The following RALYL variants were observed in gnomAD, a reference collection of about 807,000 sequenced individuals.
RALYL encodes the protein RALY RNA binding protein like.
In RALYL, 29 loss-of-function variants were observed where a neutral mutation model predicts 35.1. The observed-to-expected ratio is 0.83, with a 90% CI of 0.61 to 1.13. The LOEUF is 1.13. RALYL is among the 50% of genes most tolerant of loss of function. The probability of loss-of-function intolerance (pLI) is 0.00; values close to 1 mark genes in which losing one functional copy is unlikely to be tolerated. For missense variants in RALYL, 359 were observed against 360.4 expected, an observed-to-expected ratio of 1.00 and a Z score of 0.03; for synonymous variants, 120 against 127.6, an observed-to-expected ratio of 0.94 and a Z score of 0.40.
chr8:84,782,701 C>A (rs1004752248), intron 3 of RALYL, among the ~76,000 whole-genome samples: 3 of 152,212 alleles, frequency 2.0e-5, no homozygotes, highest in Non-Finnish European at 4.4e-5. Context: ...AGAGCACCAA[C>A]AACAGCGCTA....
intron 1 of RALYL, among the ~76,000 whole-genome samples, chr8:84,275,596 A>G (rs1388398668): frequency 6.6e-6 from 1 of 152,022 alleles, no homozygotes; most frequent in East Asian, 1.9e-4. Context: ...GTTATTATCT[A>G]TAGTCATAAT....
In RALYL at chr8:84,425,095, G is replaced by A. The variant is rs189354082; in HGVS notation, c.-23-104204G>A. ...GGCTCCACCCAGTTCGAGCTTCCTA[G>A]CTGCTTTGTTTACCTAAGCAAGCCT... On this transcript the variant is annotated intron_variant, in intron 1 of 8. Transcript: ENST00000521268. 9.0e-3 allele frequency among the ~76,000 whole-genome samples: 1,367 copies of A among 152,320 alleles called. 31 individuals are homozygous for A. The highest frequency in any genetic ancestry group is 0.031 in the African/African-American group (1,281 of 41,562).
At chr8:84,684,711 C>CT (rs1384415645) in intron 2 of RALYL, among the ~76,000 whole-genome samples, 3 of 152,134 alleles carry the variant, frequency 2.0e-5, no homozygotes, top group Non-Finnish European at 4.4e-5. Flanking sequence ...GATACCCAAA[C>CT]TTTTTTCTGT....
intron 3 of RALYL, among the ~76,000 whole-genome samples, chr8:84,789,275 AC>A (rs1162261685): frequency 6.6e-6 from 1 of 152,210 alleles, no homozygotes; most frequent in Non-Finnish European, 1.5e-5. Context: ...ACAGAAGATG[AC>A]CCACAAATTA....
At chr8:84,575,008 C>T (rs1808977420) in intron 2 of RALYL, among the ~76,000 whole-genome samples, 1 of 152,142 alleles carries the variant, frequency 6.6e-6, no homozygotes, top group Non-Finnish European at 1.5e-5. Context: ...TAAGATTTTA[C>T]TTTCATTTCT....
chr8:84,583,250 A>T (rs907516044), intron 2 of RALYL, among the ~76,000 whole-genome samples: 1 of 152,154 alleles, frequency 6.6e-6, no homozygotes, highest in Non-Finnish European at 1.5e-5. Flanking sequence ...GAATGATTTG[A>T]GATTGGTGAG....
intron 1 of RALYL, among the ~76,000 whole-genome samples, chr8:84,368,898 A>G (rs1188342220): frequency 1.3e-5 from 2 of 152,202 alleles, no homozygotes; most frequent in African/African-American, 4.8e-5. Flanking sequence ...TTCATAAATA[A>G]ACAAAACTAC....
intron 3 of RALYL, among the ~76,000 whole-genome samples, chr8:84,779,557 T>G (rs1412480187): frequency 1.3e-5 from 2 of 152,208 alleles, no homozygotes; most frequent in African/African-American, 4.8e-5. Context: ...TGTAGCAACC[T>G]TCCCATCCCA....
intron 2 of RALYL, among the ~76,000 whole-genome samples, chr8:84,605,461 C>G (rs1209808231): frequency 6.6e-6 from 1 of 152,106 alleles, no homozygotes; most frequent in African/African-American, 2.4e-5. Flanking sequence ...ATTCTGTGCT[C>G]TTAACCTCTG....
At chr8:84,612,060 T>C (rs6981139) in intron 2 of RALYL, among the ~76,000 whole-genome samples, 13,790 of 152,042 alleles carry the variant, frequency 0.091, 1,589 homozygotes, top group African/African-American at 0.27. Flanking sequence ...ATAGTAATGG[T>C]ATTAGCCTAT....
At chr8:84,882,604 A>G (rs1177134817) in intron 7 of RALYL, among the ~76,000 whole-genome samples, 1 of 152,102 alleles carries the variant, frequency 6.6e-6, no homozygotes, top group Non-Finnish European at 1.5e-5. Context: ...TCCACAATTC[A>G]TTAATATATT....
At chr8:84,514,851 A>T (rs1305817566) in intron 1 of RALYL, among the ~76,000 whole-genome samples, 1 of 62,494 alleles carries the variant, frequency 1.6e-5, no homozygotes, top group African/African-American at 5.0e-5. Context: ...AGGTGCTAGT[A>T]TTATTAAAGA....
intron 2 of RALYL, among the ~76,000 whole-genome samples, chr8:84,558,732 TA>T (rs2061295874): frequency 6.6e-6 from 1 of 152,166 alleles, no homozygotes; most frequent in African/African-American, 2.4e-5. Flanking sequence ...CCTACAGAGA[TA>T]ATTAGGCAAT....
At chr8:84,593,088 A>G (rs1390073274) in intron 2 of RALYL, among the ~76,000 whole-genome samples, 1 of 152,096 alleles carries the variant, frequency 6.6e-6, no homozygotes. Flanking sequence ...TGCATTTCTA[A>G]GTACATTAGT....
chr8:84,674,901 G>T (rs1833905070), intron 2 of RALYL, among the ~76,000 whole-genome samples: 1 of 151,634 alleles, frequency 6.6e-6, no homozygotes, highest in African/African-American at 2.4e-5. Context: ...TTGAGTTAAA[G>T]TTGTTTCTTG....
At chr8:84,535,132 T>G (rs1016709982) in intron 2 of RALYL, among the ~76,000 whole-genome samples, 1 of 152,164 alleles carries the variant, frequency 6.6e-6, no homozygotes, top group African/African-American at 2.4e-5. Context: ...CTTCTTTGAT[T>G]TTCACAACAA....
intron 1 of RALYL, among the ~76,000 whole-genome samples, chr8:84,498,422 T>C (rs2056318328): frequency 6.6e-6 from 1 of 152,154 alleles, no homozygotes; most frequent in African/African-American, 2.4e-5. Context: ...CATAATTCCA[T>C]TAATTACTTA....
At chr8:84,843,072 T>C (rs1411665029) in intron 4 of RALYL, among the ~76,000 whole-genome samples, 1 of 152,126 alleles carries the variant, frequency 6.6e-6, no homozygotes, top group East Asian at 1.9e-4. Flanking sequence ...AGGGATGCCC[T>C]CTCTCACCAC....
intron 1 of RALYL, among the ~76,000 whole-genome samples, chr8:84,257,166 T>A (rs1014469897): frequency 6.6e-6 from 1 of 150,988 alleles, no homozygotes; most frequent in Admixed American, 6.6e-5. Flanking sequence ...GAATTCGAGA[T>A]TTTTTTTAAA....
Sources: allele counts gnomAD v4.1 joint callset (sites outside exome capture counted in the v4.1 genomes callset), GRCh38; gene constraint gnomAD v4.1.1; transcripts MANE v1.5; gene names NCBI Gene and HGNC (gene_info 2026-07-23, HGNC 2026-07-21).